The following ADH1B variants were observed in gnomAD, a reference collection of about 807,000 sequenced individuals.
The protein encoded by ADH1B is all-trans-retinol dehydrogenase [NAD(+)] ADH1B.
A neutral mutation model predicts 34.6 loss-of-function variants in ADH1B; 29 were observed. The observed-to-expected ratio is 0.84, with a 90% confidence interval of 0.62 to 1.14. The LOEUF is 1.14. ADH1B is among the 50% of genes most tolerant of loss of function. The pLI, the probability that ADH1B is intolerant of heterozygous loss-of-function variation, is 0.00. For missense variants in ADH1B, 424 were observed against 468.4 expected, an observed-to-expected ratio of 0.91 and a Z score of 0.87; for synonymous variants, 170 against 175.5, an observed-to-expected ratio of 0.97 and a Z score of 0.25.
In ADH1B at chr4:99,318,079, T is replaced by G. The variant is rs1485547611; in HGVS notation, c.226A>C (p.Ser76Arg). Residue 76 changes from serine (S) to arginine (R), a missense_variant, in exon 3 of 9, where the codon AGT becomes CGT. Physicochemically the swap from Ser to Arg is moderately radical, Grantham distance 110. Around this residue, in one of 3 missense-constraint regions of ADH1B, gnomAD observed 291 missense variants for 300.4 expected, o/e 0.97. Transcript: ENST00000305046. ...ACTGTAGTCACCCCTTCTCCAACAC[T>G]CTCCACGATGCCGGCTGCCTCATGG... is the stretch of plus-strand genomic sequence containing the variant. ...LGHEAAGIVESVGEGVTTVKP... is the reference protein window; with the variant it reads ...LGHEAAGIVERVGEGVTTVKP... 1 of 1,613,800 alleles carries G rather than the reference T, an allele frequency of 6.2e-7. No homozygotes were observed.
rs1386185008 is a variant in ADH1B, at chr4:99,306,955, T to C, written c.*885A>G. On this transcript the variant is annotated 3_prime_UTR_variant, in exon 9 of 9. Coordinates refer to ENST00000305046, the MANE Select transcript of ADH1B (RefSeq NM_000668.6). The stretch of plus-strand genomic sequence containing the variant: ...CATTCTGCATTCACAGCATTTGCCA[T>C]CCCATCTCTACACTTAAAGCCACCA... The C allele has an allele frequency of 2.6e-5, 4 of 152,142 alleles. No individual in the cohort carries two copies. The highest frequency in any genetic ancestry group is 6.5e-5 in the Admixed American group (1 of 15,280). The allele number at this position is 152,142 out of a possible 1,614,324, so 9.4% of individuals were successfully genotyped here. A position where few individuals can be genotyped will look rare whatever the true frequency, so the allele number is the denominator to read the frequency against.
chr4:99,313,654 G>T, intron 6 of ADH1B, 167 bp downstream of exon 6: 1 of 1,307,284 alleles, frequency 7.6e-7, no homozygotes, highest in Non-Finnish European at 1.0e-6. Context: ...TGATGGAAGA[G>T]AAGATTTCTC....
intron 3 of ADH1B, chr4:99,317,049 T>C (rs1733904241): frequency 6.6e-6 from 1 of 152,198 alleles, no homozygotes; most frequent in Non-Finnish European, 1.5e-5. Flanking sequence ...TGTCATTTTG[T>C]TGTTAATTTA....
intron 1 of ADH1B, 115 bp from the exon 2 acceptor site, chr4:99,319,001 T>C (rs774704345): frequency 1.8e-6 from 2 of 1,124,558 alleles, no homozygotes; most frequent in South Asian, 2.5e-5. Flanking sequence ...ACCTAACAAG[T>C]GCTCCATGGA....
intron 2 of ADH1B, 26 bp from the exon 3 acceptor site, chr4:99,318,210 G>A: frequency 6.2e-7 from 1 of 1,612,490 alleles, no homozygotes; most frequent in Non-Finnish European, 8.5e-7. Context: ...AAGCTGTTCA[G>A]ATTCAGAAAA....
chr4:99,314,137 A>G, intron 5 of ADH1B, 56 bp from the exon 6 acceptor site: 1 of 1,592,818 alleles, frequency 6.3e-7, no homozygotes. Context: ...GAAAGTGCCT[A>G]AGCTTCATAA....
rs906615898 is a variant in ADH1B, at chr4:99,315,694, A to G, written c.567+204T>C. The G allele has an allele frequency of 5.4e-5, 35 of 645,844 alleles. 1 individual carries two copies. The highest frequency in any genetic ancestry group is 8.7e-5 in the Non-Finnish European group (33 of 380,756). 40.0% of individuals were successfully genotyped at this position (645,844 alleles called of 1,614,324 possible). On this transcript the variant is annotated intron_variant, in intron 5 of 8. Transcript: ENST00000305046. ...CAGAAGAAAAATTATTGTAAATGAC[A>G]TCTTTATTCGTAACAACTTTTTATC...
At chr4:99,315,632 T>C (rs762479523) in intron 5 of ADH1B, 30 of 527,590 alleles carry the variant, frequency 5.7e-5, no homozygotes, top group Non-Finnish European at 8.5e-5. Context: ...AATGAATTCT[T>C]AGGTCTAAAA....
chr4:99,314,609 A>G (rs1733832714), intron 5 of ADH1B: 1 of 157,098 alleles, frequency 6.4e-6, no homozygotes, highest in Admixed American at 6.1e-5. Context: ...TCAGTAATTA[A>G]CTCATTGGTT....
At chr4:99,317,902 G>C (rs1733924899) in intron 3 of ADH1B, 144 bp downstream of exon 3, 1 of 1,377,866 alleles carries the variant, frequency 7.3e-7, no homozygotes, top group East Asian at 2.3e-5. Flanking sequence ...GGCAGGCAGA[G>C]AGGGAAAGAG....
intron 6 of ADH1B, chr4:99,313,387 T>C (rs1201186116): frequency 5.6e-6 from 1 of 179,080 alleles, no homozygotes; most frequent in African/African-American, 2.4e-5. Context: ...CTCATTTCCT[T>C]TGGCCAAATA....
At position 99,310,909 on chromosome 4, in the gene ADH1B, A is replaced by G. The variant is rs1408861368; in HGVS notation, c.965-6T>C. ...ACCTTCTTTACTCTTAAAGCCTGAAAAGAAGACAGTATCATTGTTGGATTC... is the reference window on the plus strand; with the variant it reads ...ACCTTCTTTACTCTTAAAGCCTGAAGAGAAGACAGTATCATTGTTGGATTC... On this transcript the variant is annotated splice_polypyrimidine_tract_variant and splice_region_variant and intron_variant, in intron 7 of 8. Coordinates refer to ENST00000305046, the MANE Select transcript of ADH1B (RefSeq NM_000668.6). The G allele has an allele frequency of 5.0e-6, 8 of 1,611,548 alleles. No homozygotes were observed. The Admixed American group carries it at 1.0e-4, about 20-fold the overall frequency.
Position 99,305,661 on chromosome 4 carries a change from A to G in ADH1B, c.*2179T>C, listed in dbSNP as rs758394983. On this transcript the variant is annotated 3_prime_UTR_variant, in exon 9 of 9. Transcript: ENST00000305046. ...GCCCCATAGTAAATTTTCTTTTTTC[A>G]TAGTGCATGATGCAGAAGGCTCCCA... 2.0e-4 allele frequency: 29 copies of G among 144,160 alleles called. No individual in the cohort carries two copies. The highest frequency in any genetic ancestry group is 4.4e-4 in the Non-Finnish European group (29 of 66,534). The allele number at this position is 144,160 out of a possible 1,614,324, so 8.9% of individuals were successfully genotyped here.
chr4:99,317,016 G>T (rs748328895), intron 3 of ADH1B: 1 of 152,038 alleles, frequency 6.6e-6, no homozygotes, highest in Non-Finnish European at 1.5e-5. Context: ...TATGGTGGAG[G>T]GAGTAGGGGT....
chr4:99,309,880 C>T (rs1393359229), intron 8 of ADH1B, among the ~76,000 whole-genome samples: 2 of 151,886 alleles, frequency 1.3e-5, no homozygotes, highest in Non-Finnish European at 2.9e-5. Flanking sequence ...AGCTGGTGCT[C>T]GGTGGGTGCT....
intron 8 of ADH1B, among the ~76,000 whole-genome samples, chr4:99,309,062 C>T (rs1270470623): frequency 1.3e-5 from 2 of 151,962 alleles, no homozygotes; most frequent in African/African-American, 4.8e-5. Flanking sequence ...AAAATTACAT[C>T]ATGAGAATAT....
rs1733571973 is a variant in ADH1B at position 99,305,272 on chromosome 4, T to A, written c.*2568A>T. The A allele has an allele frequency of 6.7e-6, 1 of 149,542 alleles. No individual in the cohort carries two copies. The highest frequency in any genetic ancestry group is 6.8e-5 in the Admixed American group (1 of 14,712). The allele number at this position is 149,542 out of a possible 1,614,324, so 9.3% of individuals were successfully genotyped here. A position where few individuals can be genotyped will look rare whatever the true frequency, so the allele number is the denominator to read the frequency against. On this transcript the variant is annotated 3_prime_UTR_variant, in exon 9 of 9. Coordinates refer to ENST00000305046, the MANE Select transcript of ADH1B (RefSeq NM_000668.6). ...ATTTTTCTCCATGCTCAGAATTTCA[T>A]TTTAAATATGTTCGTGATATTATTG...
Position 99,312,270 on chromosome 4 carries a change from T to G in ADH1B, c.829-614A>C, listed in dbSNP as rs141584312. Among the ~76,000 whole-genome samples, 8 of 152,334 alleles carry G rather than the reference T, an allele frequency of 5.3e-5. No individual in the cohort carries two copies. In the East Asian group the frequency reaches 1.5e-3, roughly 29 times the overall value. On this transcript the variant is annotated intron_variant, in intron 6 of 8. Transcript: ENST00000305046. The stretch of plus-strand genomic sequence containing the variant: ...TGGGAGACCAGACATCCTCAGAACA[T>G]GTGGCTGTCAGACACTTGGTATCTT...
intron 8 of ADH1B, among the ~76,000 whole-genome samples, chr4:99,309,415 A>G (rs1733693603): frequency 6.6e-6 from 1 of 152,200 alleles, no homozygotes; most frequent in South Asian, 2.1e-4. Flanking sequence ...GCTTATTGAT[A>G]GGATTAATTA....
Sources: gnomAD v4.1 joint callset for allele counts (sites outside exome capture counted in the v4.1 genomes callset) on GRCh38, gnomAD v4.1.1 for gene constraint, gnomAD v4.1.1 regional missense constraint, MANE v1.5 for transcripts, NCBI Gene and HGNC (gene_info 2026-07-23, HGNC 2026-07-21) for gene names.